Variants in TUSC3 observed in about 807,000 individuals in gnomAD.
TUSC3 encodes tumor suppressor candidate 3, also known as dolichyl-diphosphooligosaccharide--protein glycosyltransferase subunit TUSC3.
A neutral mutation model predicts 44.8 loss-of-function variants in TUSC3; 45 were observed. That is an observed-to-expected ratio of 1.00 (90% CI 0.79 to 1.29). TUSC3 has a LOEUF of 1.29. Ranked by LOEUF, TUSC3 falls within the 50% of genes most tolerant of loss-of-function variation. The probability of loss-of-function intolerance (pLI) is 0.00; values close to 1 mark genes in which losing one functional copy is unlikely to be tolerated. For missense variants in TUSC3, 519 were observed against 437.9 expected (o/e 1.19, Z -1.65); for synonymous variants, 212 against 152.9 (o/e 1.39, Z -2.85).
At chr8:15,511,634 C>G (rs1412482413) in intron 2 of TUSC3, among the ~76,000 whole-genome samples, 3 of 152,098 alleles carry the variant, frequency 2.0e-5, no homozygotes, top group African/African-American at 7.2e-5. Context: ...CTTTGGGAGG[C>G]CAAGATGGGC....
At chr8:15,636,941 G>C (rs897394151) in intron 2 of TUSC3, among the ~76,000 whole-genome samples, 2 of 152,106 alleles carry the variant, frequency 1.3e-5, no homozygotes, top group East Asian at 1.9e-4. Flanking sequence ...TGCCGATCCA[G>C]TTTTCTTACT....
At position 15,722,249 on chromosome 8, in the gene TUSC3, C is replaced by CT. The variant is rs77957851; in HGVS notation, c.799-8403dup. Among the ~76,000 whole-genome samples, 1,305 of 142,132 alleles carry CT rather than the reference C, an allele frequency of 9.2e-3. 10 individuals carry two copies. Among genetic ancestry groups the CT allele is most frequent in the East Asian group, 0.038 (188 of 4,906 alleles). 93.2% of individuals were successfully genotyped at this position (142,132 alleles called of 152,430 possible). ...TAGTATTGATGGGTTTTGTTTCTTT[C>CT]TTTTTTTTTTTTTTCCTTTACCTAC... On this transcript the variant is annotated intron_variant, in intron 6 of 10. Coordinates refer to ENST00000503731, the MANE Select transcript of TUSC3 (RefSeq NM_006765.4).
At chr8:15,647,477 A>C (rs1212546348) in intron 2 of TUSC3, among the ~76,000 whole-genome samples, 3 of 152,020 alleles carry the variant, frequency 2.0e-5, no homozygotes, top group African/African-American at 7.2e-5. Flanking sequence ...GATTTTAATG[A>C]TTACTTAGAA....
chr8:15,786,732 A>G, the TUSC3 span, among the ~76,000 whole-genome samples: 2 of 151,976 alleles, frequency 1.3e-5, no homozygotes, highest in Non-Finnish European at 2.9e-5. Context: ...TCACGAGGTC[A>G]GGAGTTCAAG....
chr8:15,654,099 G>GA (rs1033447337), intron 3 of TUSC3, among the ~76,000 whole-genome samples: 3 of 152,062 alleles, frequency 2.0e-5, no homozygotes, highest in African/African-American at 7.2e-5. Context: ...TTTTAATTAA[G>GA]AAAAAAGACT....
chr8:15,771,177 G>C (rs1812434136), downstream of TUSC3, among the ~76,000 whole-genome samples: 1 of 152,152 alleles, frequency 6.6e-6, no homozygotes, highest in Admixed American at 6.5e-5. Flanking sequence ...GAAGGATAAA[G>C]TAGTACCTTC....
chr8:15,676,659 G>A (rs937196469), intron 6 of TUSC3, among the ~76,000 whole-genome samples: 9 of 152,050 alleles, frequency 5.9e-5, no homozygotes, highest in Non-Finnish European at 1.3e-4. Flanking sequence ...GGCAACTACC[G>A]ACTACTGGCA....
chr8:15,663,665 T>C (rs1563160849), intron 5 of TUSC3, among the ~76,000 whole-genome samples: 1 of 151,950 alleles, frequency 6.6e-6, no homozygotes, highest in Non-Finnish European at 1.5e-5. Context: ...TAAAGAAAGT[T>C]TCTTAATATT....
At chr8:15,716,873 A>T (rs1810081286) in intron 6 of TUSC3, among the ~76,000 whole-genome samples, 1 of 151,908 alleles carries the variant, frequency 6.6e-6, no homozygotes, top group African/African-American at 2.4e-5. Context: ...TACCCTTTTG[A>T]GGACTTTAGT....
chr8:15,478,521 T>C (rs1410355013), intron 1 of TUSC3, among the ~76,000 whole-genome samples: 3 of 152,188 alleles, frequency 2.0e-5, no homozygotes, highest in African/African-American at 7.2e-5. Context: ...AGTGAGAACA[T>C]GCAATGTTTG....
intron 1 of TUSC3, among the ~76,000 whole-genome samples, chr8:15,472,172 T>C (rs1215265573): frequency 6.6e-6 from 1 of 152,190 alleles, no homozygotes; most frequent in African/African-American, 2.4e-5. Context: ...CTGTTTCAAA[T>C]ATATAGAGAA....
At chr8:15,819,397 T>TA in the TUSC3 span, among the ~76,000 whole-genome samples, 143,891 of 152,192 alleles carry the variant, frequency 0.95, 68,093 homozygotes, top group Non-Finnish European at 0.97. Flanking sequence ...GAATTTTCTA[T>TA]ACTACTTTCT....
At chr8:15,621,991 G>C (rs1195302201) in intron 1 of TUSC3, among the ~76,000 whole-genome samples, 1 of 152,050 alleles carries the variant, frequency 6.6e-6, no homozygotes, top group African/African-American at 2.4e-5. Context: ...CCTTAACTCA[G>C]GATAAGATGT....
chr8:15,581,663 C>T (rs987861431), intron 1 of TUSC3, among the ~76,000 whole-genome samples: 1 of 149,338 alleles, frequency 6.7e-6, no homozygotes, highest in Non-Finnish European at 1.5e-5. Context: ...CTTGAGGAGG[C>T]AGTCTGCCCG....
At chr8:15,510,886 G>A (rs1011401259) in intron 2 of TUSC3, among the ~76,000 whole-genome samples, 1 of 152,082 alleles carries the variant, frequency 6.6e-6, no homozygotes, top group African/African-American at 2.4e-5. Context: ...ATTGGCAGAG[G>A]GCTCATGTGT....
chr8:15,432,005 A>C (rs948203105), intron 1 of TUSC3, among the ~76,000 whole-genome samples: 3 of 151,598 alleles, frequency 2.0e-5, no homozygotes, highest in Admixed American at 6.6e-5. Flanking sequence ...TTTAATGTTC[A>C]ATGGCATTTG....
intron 2 of TUSC3, among the ~76,000 whole-genome samples, chr8:15,628,098 T>C (rs1805596211): frequency 6.6e-6 from 1 of 152,194 alleles, no homozygotes; most frequent in Non-Finnish European, 1.5e-5. Flanking sequence ...AATAAAACAT[T>C]TCAGGCATTT....
At chr8:15,825,695 A>C in the TUSC3 span, among the ~76,000 whole-genome samples, 1 of 152,156 alleles carries the variant, frequency 6.6e-6, no homozygotes, top group Non-Finnish European at 1.5e-5. Flanking sequence ...AAGTGCCTTG[A>C]AGTGTTACGT....
the TUSC3 span, among the ~76,000 whole-genome samples, chr8:15,805,791 G>C: frequency 1.3e-5 from 2 of 152,040 alleles, no homozygotes; most frequent in Non-Finnish European, 2.9e-5. Flanking sequence ...GTTGTGTCCT[G>C]TGAGGTTTTT....
Sources: gnomAD v4.1 joint callset for allele counts (sites outside exome capture counted in the v4.1 genomes callset) on GRCh38, gnomAD v4.1.1 for gene constraint, MANE v1.5 for transcripts, NCBI Gene and HGNC (gene_info 2026-07-23, HGNC 2026-07-21) for gene names.